Variants in FAT3 observed in about 807,000 individuals in gnomAD.
The protein encoded by FAT3 is protocadherin Fat 3.
A neutral mutation model predicts 310.2 loss-of-function variants in FAT3; 95 were observed. That is an observed-to-expected ratio of 0.31 (90% CI 0.26 to 0.36). The LOEUF (loss-of-function observed/expected upper bound fraction) is 0.36, where lower values mean the gene tolerates loss of function less well. Among genes scored for constraint, FAT3 ranks in the 10% least tolerant of loss-of-function variants. The probability of loss-of-function intolerance (pLI) is 1.00; values close to 1 mark genes in which losing one functional copy is unlikely to be tolerated. For missense variants in FAT3, 5,408 were observed against 5,715.6 expected, an observed-to-expected ratio of 0.95 and a Z score of 1.74; for synonymous variants, 2,314 against 2,192.9, an observed-to-expected ratio of 1.06 and a Z score of -1.54.
At position 92,891,301 on chromosome 11, in the gene FAT3, G is replaced by A. The variant is rs540877838; in HGVS notation, c.*188G>A. On this transcript the variant is annotated 3_prime_UTR_variant, in exon 28 of 28. Coordinates refer to ENST00000525166, the MANE Select transcript of FAT3 (RefSeq NM_001367949.2). Reference sequence around the variant, plus strand: ...GATTCCAGTTGGGTGAAAATGAAAGGCTCAGAAATTGTTTTTGAGAGGTGA... The same window carrying A: ...GATTCCAGTTGGGTGAAAATGAAAGACTCAGAAATTGTTTTTGAGAGGTGA... The A allele has an allele frequency of 1.2e-6, 1 of 828,868 alleles. No individual in the cohort carries two copies. The highest frequency in any genetic ancestry group is 1.8e-6 in the Non-Finnish European group (1 of 548,856). 51.3% of individuals were successfully genotyped at this position (828,868 alleles called of 1,614,324 possible).
chr11:92,790,595 C>A (rs1296527045), intron 8 of FAT3, among the ~76,000 whole-genome samples: 1 of 152,154 alleles, frequency 6.6e-6, no homozygotes, highest in Non-Finnish European at 1.5e-5. Context: ...CAAGGGTAAT[C>A]ATTTACTCAG....
chr11:92,469,392 G>A (rs1951853187), intron 2 of FAT3, among the ~76,000 whole-genome samples: 2 of 152,152 alleles, frequency 1.3e-5, no homozygotes, highest in African/African-American at 4.8e-5. Flanking sequence ...AAACAAAGGA[G>A]AAATGGTTAG....
At chr11:92,596,307 G>A (rs1939704697) in intron 3 of FAT3, among the ~76,000 whole-genome samples, 1 of 152,108 alleles carries the variant, frequency 6.6e-6, no homozygotes, top group African/African-American at 2.4e-5. Context: ...GTTCAGAGAA[G>A]CAGTCTGATT....
Position 92,753,798 on chromosome 11 carries a change from G to GTATA in FAT3, c.3670-8050_3670-8047dup, listed in dbSNP as rs1555140308. 2.9e-4 allele frequency among the ~76,000 whole-genome samples: 35 copies of GTATA among 119,104 alleles called. 1 individual carries two copies. The highest frequency in any genetic ancestry group is 1.3e-3 in the African/African-American group (33 of 25,672). 78.1% of individuals were successfully genotyped at this position (119,104 alleles called of 152,430 possible). A position where few individuals can be genotyped will look rare whatever the true frequency, so the allele number is the denominator to read the frequency against. ...GGTGTGTGTGTGTGTGTGTGTGTGT[G>GTATA]TATATATATATGGTGGAATACTACT... On this transcript the variant is annotated intron_variant, in intron 4 of 27. Coordinates refer to ENST00000525166, the MANE Select transcript of FAT3 (RefSeq NM_001367949.2).
intron 13 of FAT3, 33 bp downstream of exon 13, chr11:92,810,109 A>T: frequency 6.3e-7 from 1 of 1,588,056 alleles, no homozygotes; most frequent in Non-Finnish European, 8.6e-7. Context: ...CCTGTCACAC[A>T]GTGGACACTT....
At chr11:92,393,510 CTT>C (rs1949794094) in intron 2 of FAT3, among the ~76,000 whole-genome samples, 1 of 152,124 alleles carries the variant, frequency 6.6e-6, no homozygotes, top group South Asian at 2.1e-4. Context: ...CATCCCAAGT[CTT>C]TCAGGGGTGA....
chr11:92,488,450 G>GCCACCCC (rs1467231982), intron 2 of FAT3, among the ~76,000 whole-genome samples: 2 of 9,366 alleles, frequency 2.1e-4, no homozygotes, highest in Non-Finnish European at 3.2e-4. Context: ...AACTAGCACC[G>GCCACCCC]CCCCCCCCCC....
intron 3 of FAT3, among the ~76,000 whole-genome samples, chr11:92,571,100 C>G (rs1171951689): frequency 6.6e-6 from 1 of 152,044 alleles, no homozygotes; most frequent in Non-Finnish European, 1.5e-5. Flanking sequence ...TTTTCTTAGT[C>G]TTTTTCTAAA....
At chr11:92,760,019 G>A (rs991640990) in intron 4 of FAT3, among the ~76,000 whole-genome samples, 5 of 152,146 alleles carry the variant, frequency 3.3e-5, no homozygotes, top group African/African-American at 1.2e-4. Context: ...GGTCAACACA[G>A]GTCACCTGGG....
intron 4 of FAT3, among the ~76,000 whole-genome samples, chr11:92,727,906 G>A (rs1435486617): frequency 1.3e-5 from 2 of 152,168 alleles, no homozygotes; most frequent in East Asian, 3.8e-4. Flanking sequence ...CTTTTCCTTG[G>A]CTGCTTTTTA....
At chr11:92,622,190 A>T (rs759199593) in intron 3 of FAT3, among the ~76,000 whole-genome samples, 2 of 152,110 alleles carry the variant, frequency 1.3e-5, no homozygotes, top group Non-Finnish European at 2.9e-5. Context: ...AGACTGAGGC[A>T]GAAGAATCGC....
At chr11:92,406,948 G>A (rs372411762) in intron 2 of FAT3, among the ~76,000 whole-genome samples, 4 of 152,162 alleles carry the variant, frequency 2.6e-5, no homozygotes, top group African/African-American at 9.7e-5. Flanking sequence ...TTTTTATCAT[G>A]ATACTGTCAA....
At chr11:92,306,016 G>A (rs1410147037) in intron 1 of FAT3, among the ~76,000 whole-genome samples, 4 of 152,110 alleles carry the variant, frequency 2.6e-5, no homozygotes, top group South Asian at 2.1e-4. Flanking sequence ...TAAAGGGTAT[G>A]TGGAAACTCT....
intron 19 of FAT3, among the ~76,000 whole-genome samples, chr11:92,847,283 C>G (rs761643752): frequency 6.6e-6 from 1 of 152,106 alleles, no homozygotes; most frequent in Non-Finnish European, 1.5e-5. Flanking sequence ...AAATACTTAC[C>G]ATTGTGTTAC....
intron 3 of FAT3, among the ~76,000 whole-genome samples, chr11:92,529,110 A>G (rs1411416660): frequency 1.3e-5 from 2 of 152,214 alleles, no homozygotes; most frequent in East Asian, 3.9e-4. Context: ...ATACATTGGA[A>G]GATACTTTCT....
intron 21 of FAT3, among the ~76,000 whole-genome samples, chr11:92,861,620 TA>T (rs1290001046): frequency 2.6e-5 from 4 of 152,356 alleles, no homozygotes; most frequent in African/African-American, 9.6e-5. Flanking sequence ...GTCTGTTCTG[TA>T]AGTTTGCTTT....
chr11:92,433,449 T>C (rs961758109), intron 2 of FAT3, among the ~76,000 whole-genome samples: 1 of 152,126 alleles, frequency 6.6e-6, no homozygotes, highest in Non-Finnish European at 1.5e-5. Flanking sequence ...CTGTCCCTCA[T>C]GGCACAGTCC....
At chr11:92,275,336 AT>A (rs1220492709) in intron 1 of FAT3, among the ~76,000 whole-genome samples, 1 of 152,046 alleles carries the variant, frequency 6.6e-6, no homozygotes, top group Middle Eastern at 3.2e-3. Flanking sequence ...CACCTTTACC[AT>A]ATGAAATCCA....
In FAT3 at chr11:92,801,435, A is replaced by C; in HGVS notation, c.8422A>C (p.Asn2808His). 1 of 1,613,916 alleles carries C rather than the reference A, an allele frequency of 6.2e-7. No homozygotes were observed. Among genetic ancestry groups the C allele is most frequent in the Non-Finnish European group, 8.5e-7 (1 of 1,179,878 alleles). The part of the protein sequence containing the change: ...VDVDIKVLDL[N>H]DNKPVFETSS... ...TGTAGATATCAAGGTATTGGATTTGAATGACAACAAGCCAGTCTTTGAAAC... is the reference window on the plus strand; with the variant it reads ...TGTAGATATCAAGGTATTGGATTTGCATGACAACAAGCCAGTCTTTGAAAC... The change falls in exon 10 of 28, where the codon AAT (asparagine) becomes CAT (histidine). Residue 2808 changes from asparagine (N) to histidine (H), a missense_variant. This residue lies in a region of FAT3 where 4,588 missense variants were observed against 4,809.8 expected (regional missense o/e 0.95). Coordinates refer to ENST00000525166, the MANE Select transcript of FAT3 (RefSeq NM_001367949.2).
Sources: allele counts gnomAD v4.1 joint callset (sites outside exome capture counted in the v4.1 genomes callset), GRCh38; gene constraint gnomAD v4.1.1; regional missense constraint gnomAD v4.1.1; transcripts MANE v1.5; gene names NCBI Gene and HGNC (gene_info 2026-07-23, HGNC 2026-07-21).